Variants in SCN2A observed in about 807,000 individuals in gnomAD.
SCN2A encodes the protein sodium channel protein type 2 subunit alpha.
SCN2A carries 20 observed loss-of-function variants against 188.7 expected under a neutral mutation model. The ratio of observed to expected loss-of-function variants is 0.11; its 90% CI spans 0.07 to 0.15. The LOEUF (loss-of-function observed/expected upper bound fraction) is 0.15, where lower values mean the gene tolerates loss of function less well. Among genes scored for constraint, SCN2A ranks in the 10% least tolerant of loss-of-function variants. The pLI is 1.00. For missense variants in SCN2A, 1,278 were observed against 2,445.0 expected (o/e 0.52, Z 10.07); for synonymous variants, 804 against 833.1 (o/e 0.97, Z 0.60).
intron 1 of SCN2A, among the ~76,000 whole-genome samples, chr2:165,292,831 A>G (rs561812943): frequency 1.3e-5 from 2 of 152,326 alleles, no homozygotes; most frequent in East Asian, 1.9e-4. Context: ...GCAAATAAGG[A>G]TAATGAAAGC....
chr2:165,323,958 C>T lies in SCN2A; in HGVS notation c.2016+458C>T, dbSNP rs552576940. ...TAAATCCCATAGTACAACATTGCCT[C>T]TCTTTGCAGGTCAGAGTGTTGTAAC... On this transcript the variant is annotated intron_variant, in intron 12 of 26. Transcript: ENST00000375437. 9.9e-5 allele frequency among the ~76,000 whole-genome samples: 15 copies of T among 152,282 alleles called. No individual in the cohort carries two copies. In the South Asian group the frequency reaches 3.1e-3, roughly 32 times the overall value.
At chr2:165,252,882 T>C (rs1158505146) in intron 1 of SCN2A, among the ~76,000 whole-genome samples, 1 of 152,028 alleles carries the variant, frequency 6.6e-6, no homozygotes, top group East Asian at 1.9e-4. Context: ...CTGCTTCATC[T>C]TGAAAGTAAG....
At position 165,357,132 on chromosome 2, in the gene SCN2A, G is replaced by A. The variant is rs528916822; in HGVS notation, c.3399+2461G>A. Among the ~76,000 whole-genome samples the A allele has an allele frequency of 5.9e-5, 9 of 152,104 alleles. 1 individual carries two copies. In the South Asian group the frequency reaches 1.9e-3, roughly 32 times the overall value. On this transcript the variant is annotated intron_variant, in intron 17 of 26. Coordinates refer to ENST00000375437, the MANE Select transcript of SCN2A (RefSeq NM_001040142.2). ...AATTTATAAAATAATAAATGATGAG[G>A]GTTATCGCCGTGAAAGAGGTTATGT...
Position 165,293,778 on chromosome 2 carries a change from G to A in SCN2A, c.-51-1995G>A, listed in dbSNP as rs1473511667. ...CACTTAAAATCAACAAAGTTTTAAT[G>A]TTTCGTTCCAAGAAAAGCCTGTGGA... On this transcript the variant is annotated intron_variant, in intron 1 of 26. Transcript: ENST00000375437. The A allele has an allele frequency of 4.3e-6, 4 of 936,386 alleles. No individual in the cohort carries two copies. The East Asian group carries it at 3.5e-4, about 82-fold the overall frequency. The allele number at this position is 936,386 out of a possible 1,614,324, so 58.0% of individuals were successfully genotyped here.
At chr2:165,318,834 C>T (rs571580147) in intron 11 of SCN2A, among the ~76,000 whole-genome samples, 2 of 152,064 alleles carry the variant, frequency 1.3e-5, no homozygotes, top group African/African-American at 4.8e-5. Flanking sequence ...CTGTTATTTC[C>T]TCATAGCTAA....
At chr2:165,336,076 A>G (rs1029870755) in intron 14 of SCN2A, among the ~76,000 whole-genome samples, 11 of 152,028 alleles carry the variant, frequency 7.2e-5, no homozygotes, top group African/African-American at 2.6e-4. Context: ...TAAGATGGCT[A>G]TAATCAGAAA....
At chr2:165,253,708 A>G (rs561123628) in intron 1 of SCN2A, among the ~76,000 whole-genome samples, 1 of 152,194 alleles carries the variant, frequency 6.6e-6, no homozygotes, top group African/African-American at 2.4e-5. Flanking sequence ...ACATTACACT[A>G]CAATGATCAA....
chr2:165,324,720 A>G (rs910908898), intron 12 of SCN2A, among the ~76,000 whole-genome samples: 3 of 152,168 alleles, frequency 2.0e-5, no homozygotes, highest in African/African-American at 4.8e-5. Context: ...CATTATCCCA[A>G]TTTTACAGAG....
At chr2:165,376,743 T>C (rs913080242) in intron 22 of SCN2A, among the ~76,000 whole-genome samples, 1 of 151,774 alleles carries the variant, frequency 6.6e-6, no homozygotes, top group Non-Finnish European at 1.5e-5. Flanking sequence ...TGTGTGTAGA[T>C]AGAGAAAGAG....
intron 13 of SCN2A, chr2:165,328,397 C>G (rs941623733): frequency 1.3e-6 from 1 of 770,144 alleles, no homozygotes; most frequent in African/African-American, 1.9e-5. Context: ...CCTCCCTGTC[C>G]CTCCAGGTAA....
chr2:165,291,412 C>A (rs1257011335), intron 1 of SCN2A, among the ~76,000 whole-genome samples: 1 of 141,184 alleles, frequency 7.1e-6, no homozygotes, highest in Non-Finnish European at 1.6e-5. Context: ...TCCTTCCTTC[C>A]TTCCTCCCTG....
At chr2:165,322,253 C>A (rs1698112841) in intron 11 of SCN2A, among the ~76,000 whole-genome samples, 1 of 152,178 alleles carries the variant, frequency 6.6e-6, no homozygotes, top group African/African-American at 2.4e-5. Context: ...AGCAGGATTT[C>A]ATGACCATCT....
chr2:165,365,415 T>A, intron 18 of SCN2A, 152 bp downstream of exon 18: 1 of 788,078 alleles, frequency 1.3e-6, no homozygotes, highest in Non-Finnish European at 1.9e-6. Context: ...CATCTATACC[T>A]ATCCAACAAC....
At chr2:165,371,122 A>G (rs1701004885) in intron 20 of SCN2A, 1 of 152,208 alleles carries the variant, frequency 6.6e-6, no homozygotes, top group South Asian at 2.1e-4. Flanking sequence ...ATAGGTTGGT[A>G]AATCCATAAT....
At chr2:165,260,564 A>G (rs1410878705) in intron 1 of SCN2A, among the ~76,000 whole-genome samples, 1 of 152,160 alleles carries the variant, frequency 6.6e-6, no homozygotes, top group Non-Finnish European at 1.5e-5. Flanking sequence ...GTAAATGAGC[A>G]CTGGCTTCAA....
At chr2:165,264,945 CTT>C in intron 1 of SCN2A, among the ~76,000 whole-genome samples, 1 of 152,086 alleles carries the variant, frequency 6.6e-6, no homozygotes, top group East Asian at 1.9e-4. Context: ...ATGCATGTGT[CTT>C]TATAATAGCG....
chr2:165,283,710 TATATC>T (rs1270145212), intron 1 of SCN2A, among the ~76,000 whole-genome samples: 1 of 152,194 alleles, frequency 6.6e-6, no homozygotes, highest in Admixed American at 6.5e-5. Flanking sequence ...AAATCAGACT[TATATC>T]ATATTTCCCT....
rs894227472 is a variant in SCN2A at position 165,390,810 on chromosome 2, C to G, written c.*986C>G. ...TGAATTGACCAAAAAACATCCCCAC[C>G]ACCACTTTATAAAGTTGATTCTGCT... On this transcript the variant is annotated 3_prime_UTR_variant, in exon 27 of 27. Coordinates refer to ENST00000375437, the MANE Select transcript of SCN2A (RefSeq NM_001040142.2). The G allele has an allele frequency of 6.6e-6, 1 of 152,456 alleles. No individual in the cohort carries two copies. The highest frequency in any genetic ancestry group is 1.5e-5 in the Non-Finnish European group (1 of 67,980). 9.4% of individuals were successfully genotyped at this position (152,456 alleles called of 1,614,324 possible). A position where few individuals can be genotyped will look rare whatever the true frequency, so the allele number is the denominator to read the frequency against.
intron 1 of SCN2A, among the ~76,000 whole-genome samples, chr2:165,288,634 G>A (rs927146510): frequency 4.0e-4 from 60 of 151,400 alleles, no homozygotes; most frequent in Admixed American, 3.3e-3. Flanking sequence ...AGAAAAACAC[G>A]TAAGTCTGGT....
Sources: gnomAD v4.1 joint callset for allele counts (sites outside exome capture counted in the v4.1 genomes callset) on GRCh38, gnomAD v4.1.1 for gene constraint, MANE v1.5 for transcripts, NCBI Gene and HGNC (gene_info 2026-07-23, HGNC 2026-07-21) for gene names.